Variants in RELCH observed in about 807,000 individuals in gnomAD.
RELCH encodes the protein RAB11-binding protein RELCH.
A neutral mutation model predicts 150.3 loss-of-function variants in RELCH; 41 were observed. That is an observed-to-expected ratio of 0.27 (90% CI 0.21 to 0.35). RELCH has a LOEUF of 0.35. Ranked by LOEUF, RELCH falls within the 10% of genes least tolerant of loss-of-function variation. RELCH has a pLI of 1.00. For synonymous variants in RELCH, 478 were observed against 531.8 expected (o/e 0.90, Z 1.39); for missense variants, 1,092 against 1,467.8 (o/e 0.74, Z 4.18).
At chr18:62,221,548 A>C (rs754732361) in intron 5 of RELCH, 51 bp downstream of exon 5, 1 of 805,152 alleles carries the variant, frequency 1.2e-6, no homozygotes. Flanking sequence ...CTTATAATTC[A>C]CTTTTTCTTT....
Position 62,228,556 on chromosome 18 carries a change from C to T in RELCH, c.1406C>T (p.Ser469Phe). 1 of 1,612,414 alleles carries T rather than the reference C, an allele frequency of 6.2e-7. No individual in the cohort carries two copies. Among genetic ancestry groups the T allele is most frequent in the Non-Finnish European group, 8.5e-7 (1 of 1,179,156 alleles). The change falls in exon 8 of 29, where the codon TCT becomes TTT. Residue 469 changes from serine to phenylalanine, a missense_variant. Transcript: ENST00000644646. ...RREREGMPPS[S>F]LSSKKTVHFD... Reference sequence around the variant, plus strand: ...GAAAGAGAAGGAATGCCACCTTCTTCTCTATCAAGTAAAAAGACAGTTCAT... The same window carrying T: ...GAAAGAGAAGGAATGCCACCTTCTTTTCTATCAAGTAAAAAGACAGTTCAT...
chr18:62,268,804 T>C (rs1180480962), intron 19 of RELCH, 65 bp from the exon 20 acceptor site: 3 of 784,150 alleles, frequency 3.8e-6, no homozygotes, highest in Admixed American at 6.6e-5. Flanking sequence ...TATAATCGCA[T>C]TATGATTTTT....
chr18:62,276,790 A>G (rs2144887474), intron 22 of RELCH, among the ~76,000 whole-genome samples: 1 of 152,218 alleles, frequency 6.6e-6, no homozygotes. Context: ...TATCATACAG[A>G]AGCAACTTTT....
intron 21 of RELCH, 146 bp downstream of exon 21, chr18:62,274,232 GTTTGT>G: frequency 1.7e-6 from 1 of 575,122 alleles, no homozygotes; most frequent in Admixed American, 3.5e-5. Flanking sequence ...GTGTATTTTA[GTTTGT>G]TTCTTGGTTT....
In RELCH at chr18:62,187,980, G is replaced by T; in HGVS notation, c.475G>T (p.Gly159Trp). The change falls in exon 1 of 29, where the codon GGG becomes TGG. Residue 159 changes from glycine (G) to tryptophan (W), a missense_variant. Coordinates refer to ENST00000644646, the MANE Select transcript of RELCH (RefSeq NM_001346231.2). ...AGGGGTCCCTGGAGCAGCCGGCGTT[G>T]GGGGCGCTGGAGGTCGGGAACCGAG... ...APGVPGAAGV[G>W]GAGGREPSTA... 1 of 1,599,898 alleles carries T rather than the reference G, an allele frequency of 6.3e-7. No individual in the cohort carries two copies. Among genetic ancestry groups the T allele is most frequent in the Non-Finnish European group, 8.5e-7 (1 of 1,174,004 alleles).
At chr18:62,224,939 G>A (rs2148395599) in intron 5 of RELCH, among the ~76,000 whole-genome samples, 1 of 152,012 alleles carries the variant, frequency 6.6e-6, no homozygotes. Flanking sequence ...AAATTTGGAG[G>A]ACCTAAACTA....
intron 26 of RELCH, among the ~76,000 whole-genome samples, chr18:62,291,209 C>G (rs2045113491): frequency 6.6e-6 from 1 of 152,152 alleles, no homozygotes; most frequent in South Asian, 2.1e-4. Context: ...GGAAAACTTA[C>G]TTTTTATACT....
chr18:62,296,731 G>A (rs183984671), intron 27 of RELCH, among the ~76,000 whole-genome samples: 28 of 152,278 alleles, frequency 1.8e-4, no homozygotes, highest in African/African-American at 6.7e-4. Flanking sequence ...ATTATGAAGG[G>A]ATGTTAGATA....
At chr18:62,230,338 C>T (rs551237903) in intron 8 of RELCH, among the ~76,000 whole-genome samples, 4 of 152,026 alleles carry the variant, frequency 2.6e-5, no homozygotes, top group African/African-American at 9.6e-5. Flanking sequence ...CTGACTTGGG[C>T]AAGTGGAAGG....
At chr18:62,272,406 G>A (rs2043953329) in intron 20 of RELCH, among the ~76,000 whole-genome samples, 1 of 152,040 alleles carries the variant, frequency 6.6e-6, no homozygotes, top group Non-Finnish European at 1.5e-5. Context: ...CCAAGAACAA[G>A]GTTTGGCTCA....
intron 12 of RELCH, among the ~76,000 whole-genome samples, chr18:62,253,267 TTGTGTGTGTGTGTGTGTGTGTGTGTG>T (rs68067609): frequency 2.9e-5 from 4 of 136,454 alleles, no homozygotes; most frequent in African/African-American, 5.3e-5. Context: ...AGCAAGAAGA[TTGTGTGTGTGTGTGTGTGTGTGTGTG>T]TGTGTGTGTG....
intron 5 of RELCH, among the ~76,000 whole-genome samples, chr18:62,224,163 A>G (rs546033446): frequency 3.9e-5 from 6 of 152,042 alleles, no homozygotes; most frequent in Middle Eastern, 3.4e-3. Flanking sequence ...GTTCCTCACC[A>G]TGTGTCCAAG....
intron 5 of RELCH, among the ~76,000 whole-genome samples, chr18:62,224,523 T>C (rs1332702810): frequency 6.6e-6 from 1 of 152,110 alleles, no homozygotes; most frequent in Non-Finnish European, 1.5e-5. Flanking sequence ...TAGAAAATCC[T>C]ATAGACTCTC....
At chr18:62,227,535 T>G (rs1475704422) in intron 6 of RELCH, 43 bp downstream of exon 6, 2 of 1,569,010 alleles carry the variant, frequency 1.3e-6, no homozygotes, top group African/African-American at 2.7e-5. Context: ...AGAAAGTATT[T>G]AAACTATGTA....
chr18:62,195,211 A>C (rs545508432), intron 1 of RELCH, among the ~76,000 whole-genome samples: 1 of 152,088 alleles, frequency 6.6e-6, no homozygotes, highest in Non-Finnish European at 1.5e-5. Context: ...TAATGTTCCT[A>C]CTAAATTTAC....
chr18:62,208,414 A>T (rs2039949666), intron 1 of RELCH, among the ~76,000 whole-genome samples: 1 of 151,382 alleles, frequency 6.6e-6, no homozygotes, highest in Non-Finnish European at 1.5e-5. Context: ...TCATTCCTTT[A>T]TCACGGTATT....
intron 2 of RELCH, among the ~76,000 whole-genome samples, chr18:62,213,438 T>C (rs2040289444): frequency 6.6e-6 from 1 of 152,076 alleles, no homozygotes; most frequent in Non-Finnish European, 1.5e-5. Flanking sequence ...AGCATAAATT[T>C]ATGATCATTA....
At chr18:62,222,761 G>A (rs1324176595) in intron 5 of RELCH, among the ~76,000 whole-genome samples, 4 of 151,916 alleles carry the variant, frequency 2.6e-5, no homozygotes, top group South Asian at 2.1e-4. Flanking sequence ...TCCTTCAACA[G>A]TGAATACATA....
intron 1 of RELCH, among the ~76,000 whole-genome samples, chr18:62,205,572 T>C (rs2039727059): frequency 6.6e-6 from 1 of 152,266 alleles, no homozygotes; most frequent in Non-Finnish European, 1.5e-5. Flanking sequence ...TGCTAAGTAG[T>C]AGTCCTGAGT....
Sources: gnomAD v4.1 joint callset for allele counts (sites outside exome capture counted in the v4.1 genomes callset) on GRCh38, gnomAD v4.1.1 for gene constraint, MANE v1.5 for transcripts, NCBI Gene and HGNC (gene_info 2026-07-23, HGNC 2026-07-21) for gene names.